FAXC: variants seen among roughly 807,000 people sequenced by gnomAD.
The protein encoded by FAXC is failed axon connections homolog.
In FAXC, 10 loss-of-function variants were observed where a neutral mutation model predicts 41.9. The ratio of observed to expected loss-of-function variants is 0.24; its 90% CI spans 0.15 to 0.41. The LOEUF is 0.41. Among genes scored for constraint, FAXC ranks in the 10% least tolerant of loss-of-function variants. The probability of loss-of-function intolerance (pLI) is 1.00; values close to 1 mark genes in which losing one functional copy is unlikely to be tolerated. For missense variants in FAXC, 399 were observed against 510.9 expected, an observed-to-expected ratio of 0.78 and a Z score of 2.11; for synonymous variants, 183 against 183.8, an observed-to-expected ratio of 1.00 and a Z score of 0.03.
chr6:99,349,210 C>T lies in FAXC; in HGVS notation c.163G>A (p.Ala55Thr). The stretch of plus-strand genomic sequence containing the variant: ...CACCAGGGATCGGAGCCCAGCCCTG[C>T]CATGATCCCACCGTAATCCTGCAAA... ...FPLQDYGGIM[A>T]GLGSDPWWKK... is the part of the protein sequence containing the mutation. The change falls in exon 1 of 6, where the codon GCA (alanine) becomes ACA (threonine). Residue 55 changes from alanine (A) to threonine (T), a missense_variant. By Grantham distance (58) the Ala-to-Thr change is moderately conservative. Coordinates refer to ENST00000389677, the MANE Select transcript of FAXC (RefSeq NM_032511.4). 6.2e-7 allele frequency: 1 copy of T among 1,613,968 alleles called. No individual in the cohort carries two copies. Among genetic ancestry groups the T allele is most frequent in the Non-Finnish European group, 8.5e-7 (1 of 1,180,014 alleles).
chr6:99,311,304 C>T (rs1218815493), intron 4 of FAXC, among the ~76,000 whole-genome samples: 1 of 152,168 alleles, frequency 6.6e-6, no homozygotes, highest in African/African-American at 2.4e-5. Context: ...AAGTCAATCA[C>T]GGTGGCTCAC....
At chr6:99,333,580 C>CAATATTGT (rs1773107308) in intron 2 of FAXC, 33 bp from the exon 3 acceptor site, 1 of 1,523,010 alleles carries the variant, frequency 6.6e-7, no homozygotes, top group Admixed American at 2.1e-5. Context: ...AAGAGAAAAG[C>CAATATTGT]AATATTGTAT....
rs1562141820 is a variant in FAXC, at chr6:99,276,455, A to C, written c.*4709T>G. 1 of 152,216 alleles carries C rather than the reference A, an allele frequency of 6.6e-6. No homozygotes were observed. Among genetic ancestry groups the C allele is most frequent in the Non-Finnish European group, 1.5e-5 (1 of 68,036 alleles). The allele number at this position is 152,216 out of a possible 1,614,324, so 9.4% of individuals were successfully genotyped here. On this transcript the variant is annotated 3_prime_UTR_variant, in exon 6 of 6. Transcript: ENST00000389677. The stretch of plus-strand genomic sequence containing the variant: ...TAAATCAATTTTGGGGGTGGTTAAA[A>C]GATAAATGACAAGGACAACAACAAA...
intron 2 of FAXC, chr6:99,334,685 T>C (rs1183255641): frequency 1.5e-6 from 1 of 649,870 alleles, no homozygotes. Flanking sequence ...CTCTTGTCAT[T>C]CTCAGATGCA....
At chr6:99,308,704 C>T (rs552186093) in intron 4 of FAXC, among the ~76,000 whole-genome samples, 2 of 150,138 alleles carry the variant, frequency 1.3e-5, no homozygotes, top group Admixed American at 6.6e-5. Context: ...AAGAGATAAA[C>T]TTTTAAAATA....
intron 4 of FAXC, among the ~76,000 whole-genome samples, chr6:99,295,364 GCA>G (rs1562156432): frequency 6.6e-6 from 1 of 152,180 alleles, no homozygotes; most frequent in African/African-American, 2.4e-5. Flanking sequence ...TGCAAAAATA[GCA>G]CAGTGTGTCT....
chr6:99,308,675 A>G (rs1228649313), intron 4 of FAXC, among the ~76,000 whole-genome samples: 4 of 152,136 alleles, frequency 2.6e-5, no homozygotes, highest in Non-Finnish European at 5.9e-5. Flanking sequence ...AACACAATTA[A>G]ACATTATGCA....
Position 99,315,258 on chromosome 6 carries a change from AAAAAC to A in FAXC, c.823+8181_823+8185del, listed in dbSNP as rs796532059. On this transcript the variant is annotated intron_variant, in intron 4 of 5. Transcript: ENST00000389677. ...AAAAAAAAAAAAAAAAAAAAAAAAAAAAAACCAGTAAATGTCACCTCCTTGAAGAA... is the reference window on the plus strand; with the variant it reads ...AAAAAAAAAAAAAAAAAAAAAAAAAACAGTAAATGTCACCTCCTTGAAGAA... Among the ~76,000 whole-genome samples, 395 of 134,860 alleles carry A rather than the reference AAAAAC, an allele frequency of 2.9e-3. 50 individuals are homozygous for A. The highest frequency in any genetic ancestry group is 5.7e-3 in the South Asian group (23 of 4,004). The allele number at this position is 134,860 out of a possible 152,430, so 88.5% of individuals were successfully genotyped here.
At position 99,341,736 on chromosome 6, in the gene FAXC, G is replaced by A. The variant is rs1246297925; in HGVS notation, c.402+1162C>T. Among the ~76,000 whole-genome samples the A allele has an allele frequency of 1.2e-4, 18 of 152,172 alleles. No homozygotes were observed. In the South Asian group the frequency reaches 2.1e-3, roughly 18 times the overall value. Reference sequence around the variant, plus strand: ...AGAAGGTCTAAATAATACACTAAACGTGTTTAAGCAAGTAGATCTATAGAG... The same window carrying A: ...AGAAGGTCTAAATAATACACTAAACATGTTTAAGCAAGTAGATCTATAGAG... On this transcript the variant is annotated intron_variant, in intron 2 of 5. Coordinates refer to ENST00000389677, the MANE Select transcript of FAXC (RefSeq NM_032511.4).
At chr6:99,296,791 T>A (rs1771515202) in intron 4 of FAXC, among the ~76,000 whole-genome samples, 1 of 152,058 alleles carries the variant, frequency 6.6e-6, no homozygotes. Flanking sequence ...AGGAGCCAAG[T>A]GGATCTGGAG....
rs986020507 is a variant in FAXC at position 99,330,301 on chromosome 6, T to C, written c.599+3050A>G. Among the ~76,000 whole-genome samples, 5 of 152,204 alleles carry C rather than the reference T, an allele frequency of 3.3e-5. No individual in the cohort carries two copies. In the East Asian group the frequency reaches 9.6e-4, roughly 29 times the overall value. ...ATGTCACACTGAAGAAGCTGCAGTG[T>C]GTGTCACCCAAAATCAGTTTCATTC... is the stretch of plus-strand genomic sequence containing the variant. On this transcript the variant is annotated intron_variant, in intron 3 of 5. Coordinates refer to ENST00000389677, the MANE Select transcript of FAXC (RefSeq NM_032511.4).
chr6:99,293,452 C>G (rs141978308), intron 4 of FAXC, among the ~76,000 whole-genome samples: 123 of 152,352 alleles, frequency 8.1e-4, no homozygotes, highest in African/African-American at 2.5e-3. Context: ...CTGGTGGCAA[C>G]AGGAGCTTTC....
At chr6:99,294,292 G>A (rs1046925811) in intron 4 of FAXC, among the ~76,000 whole-genome samples, 3 of 152,160 alleles carry the variant, frequency 2.0e-5, no homozygotes, top group Non-Finnish European at 4.4e-5. Flanking sequence ...TACTCCTGAG[G>A]GTGCATCCCG....
chr6:99,347,857 A>AT lies in FAXC; in HGVS notation c.266+1249dup, dbSNP rs554411280. Reference sequence around the variant, plus strand: ...AATCTAGAGAGATAATTCTCTTTAAATTTTTTTGTTTGGTTCAGCTAGATT... The same window carrying AT: ...AATCTAGAGAGATAATTCTCTTTAAATTTTTTTTGTTTGGTTCAGCTAGATT... On this transcript the variant is annotated intron_variant, in intron 1 of 5. Coordinates refer to ENST00000389677, the MANE Select transcript of FAXC (RefSeq NM_032511.4). Among the ~76,000 whole-genome samples, 42 of 152,316 alleles carry AT rather than the reference A, an allele frequency of 2.8e-4. 1 individual carries two copies. The East Asian group carries it at 7.7e-3, about 28-fold the overall frequency.
chr6:99,327,539 C>A (rs886222186), intron 3 of FAXC, among the ~76,000 whole-genome samples: 3 of 152,146 alleles, frequency 2.0e-5, no homozygotes, highest in Admixed American at 2.0e-4. Flanking sequence ...TACACCTCTA[C>A]TGCTTTTCCT....
At chr6:99,297,011 TA>T (rs1361181628) in intron 4 of FAXC, among the ~76,000 whole-genome samples, 5 of 152,190 alleles carry the variant, frequency 3.3e-5, no homozygotes, top group African/African-American at 1.2e-4. Flanking sequence ...AAACCATGAA[TA>T]ACAAGAATGT....
chr6:99,303,471 G>A (rs1046681038), intron 4 of FAXC, among the ~76,000 whole-genome samples: 2 of 152,342 alleles, frequency 1.3e-5, no homozygotes, highest in South Asian at 2.1e-4. Flanking sequence ...AACCAAGGAC[G>A]TGTATAGGTG....
rs1029444880 is a variant in FAXC, at chr6:99,277,508, G to C, written c.*3656C>G. ...ATGGGTTCTTTAAAAGATACATAAG[G>C]AAGTATGAGGAGTCTTGGTGATTTG... On this transcript the variant is annotated 3_prime_UTR_variant, in exon 6 of 6. Coordinates refer to ENST00000389677, the MANE Select transcript of FAXC (RefSeq NM_032511.4). 3 of 152,178 alleles carry C rather than the reference G, an allele frequency of 2.0e-5. No individual in the cohort carries two copies. Among genetic ancestry groups the C allele is most frequent in the African/African-American group, 7.2e-5 (3 of 41,422 alleles). The allele number at this position is 152,178 out of a possible 1,614,324, so 9.4% of individuals were successfully genotyped here. A position where few individuals can be genotyped will look rare whatever the true frequency, so the allele number is the denominator to read the frequency against.
intron 2 of FAXC, among the ~76,000 whole-genome samples, chr6:99,339,727 A>C (rs1162900916): frequency 6.6e-6 from 1 of 152,168 alleles, no homozygotes; most frequent in Non-Finnish European, 1.5e-5. Flanking sequence ...CAACAAACAC[A>C]CATAGAGCAA....
Sources: gnomAD v4.1 joint callset for allele counts (sites outside exome capture counted in the v4.1 genomes callset) on GRCh38, gnomAD v4.1.1 for gene constraint, MANE v1.5 for transcripts, NCBI Gene and HGNC (gene_info 2026-07-23, HGNC 2026-07-21) for gene names.